The following EXOC6B variants were observed in gnomAD, a reference collection of about 807,000 sequenced individuals.
EXOC6B encodes the protein exocyst complex component 6B.
In EXOC6B, 54 loss-of-function variants were observed where a neutral mutation model predicts 113.5. The ratio of observed to expected loss-of-function variants is 0.48; its 90% CI spans 0.38 to 0.60. The LOEUF (loss-of-function observed/expected upper bound fraction) is 0.60, where lower values mean the gene tolerates loss of function less well. Among genes scored for constraint, EXOC6B ranks in the 20% least tolerant of loss-of-function variants. The pLI is 0.00. For synonymous variants in EXOC6B, 357 were observed against 339.0 expected, an observed-to-expected ratio of 1.05 and a Z score of -0.58; for missense variants, 797 against 977.5, an observed-to-expected ratio of 0.82 and a Z score of 2.46.
At chr2:72,330,617 T>C (rs1239299750) in intron 20 of EXOC6B, among the ~76,000 whole-genome samples, 3 of 152,088 alleles carry the variant, frequency 2.0e-5, no homozygotes, top group Non-Finnish European at 4.4e-5. Context: ...CAGGCACACA[T>C]AGGCCTCTCT....
intron 18 of EXOC6B, among the ~76,000 whole-genome samples, chr2:72,427,872 C>T (rs1416766363): frequency 6.6e-6 from 1 of 152,296 alleles, no homozygotes; most frequent in African/African-American, 2.4e-5. Flanking sequence ...AATTGGCACA[C>T]ACTTCCTCCC....
At chr2:72,767,167 C>T (rs1418045133) in intron 1 of EXOC6B, among the ~76,000 whole-genome samples, 1 of 152,060 alleles carries the variant, frequency 6.6e-6, no homozygotes, top group African/African-American at 2.4e-5. Flanking sequence ...CGGGGGCTCA[C>T]GCCTGTAATC....
intron 19 of EXOC6B, among the ~76,000 whole-genome samples, chr2:72,341,826 A>C (rs1689046861): frequency 6.6e-6 from 1 of 152,166 alleles, no homozygotes; most frequent in African/African-American, 2.4e-5. Context: ...ATTCTACAGG[A>C]TAGGTCATAT....
At chr2:72,796,961 A>G (rs1310898346) in intron 1 of EXOC6B, among the ~76,000 whole-genome samples, 1 of 152,262 alleles carries the variant, frequency 6.6e-6, no homozygotes, top group Non-Finnish European at 1.5e-5. Context: ...AAAAAGGCAG[A>G]GTTAATGCTA....
chr2:72,553,623 A>G (rs999165709), intron 8 of EXOC6B, among the ~76,000 whole-genome samples: 10 of 152,262 alleles, frequency 6.6e-5, no homozygotes, highest in African/African-American at 2.2e-4. Flanking sequence ...TGCCAGAGGT[A>G]CTACCAGAAA....
intron 6 of EXOC6B, among the ~76,000 whole-genome samples, chr2:72,665,920 A>G (rs1675357588): frequency 1.3e-5 from 2 of 152,316 alleles, no homozygotes; most frequent in South Asian, 4.1e-4. Flanking sequence ...AGATGACCCA[A>G]TTATATGCTC....
chr2:72,543,917 A>C (rs1465385363), intron 8 of EXOC6B, among the ~76,000 whole-genome samples: 1 of 152,200 alleles, frequency 6.6e-6, no homozygotes, highest in Non-Finnish European at 1.5e-5. Flanking sequence ...TTTCAGGGCA[A>C]ACTTTCCACA....
intron 6 of EXOC6B, among the ~76,000 whole-genome samples, chr2:72,580,244 C>T (rs1287195269): frequency 2.0e-5 from 3 of 147,374 alleles, no homozygotes; most frequent in Non-Finnish European, 3.0e-5. Flanking sequence ...TGGGTTCAAG[C>T]GATTCTCATG....
At chr2:72,446,096 A>G (rs1696558363) in intron 18 of EXOC6B, among the ~76,000 whole-genome samples, 1 of 152,240 alleles carries the variant, frequency 6.6e-6, no homozygotes, top group African/African-American at 2.4e-5. Flanking sequence ...AATTTCTCAA[A>G]AAGCCAAAAG....
rs1419665858 is a variant in EXOC6B at position 72,797,813 on chromosome 2, A to AATTC, written c.113+27984_113+27985insGAAT. ...ACAACAAAGCGAGACTTCGTCTCAA[A>AATTC]ATTAATTAATTAATTAATTAATTAA... is the stretch of plus-strand genomic sequence containing the variant. On this transcript the variant is annotated intron_variant, in intron 1 of 21. Transcript: ENST00000272427. Among the ~76,000 whole-genome samples, 81 of 141,892 alleles carry AATTC rather than the reference A, an allele frequency of 5.7e-4. 1 individual carries two copies. The highest frequency in any genetic ancestry group is 2.2e-3 in the African/African-American group (80 of 35,558). The allele number at this position is 141,892 out of a possible 152,430, so 93.1% of individuals were successfully genotyped here.
chr2:72,488,257 A>C (rs967212047), intron 16 of EXOC6B, among the ~76,000 whole-genome samples: 1 of 151,740 alleles, frequency 6.6e-6, no homozygotes, highest in Non-Finnish European at 1.5e-5. Context: ...GCTCCTTCCC[A>C]ATCTCCTTTC....
In EXOC6B at chr2:72,510,250, G is replaced by A. The variant is rs372792096; in HGVS notation, c.1167+2882C>T. On this transcript the variant is annotated intron_variant, in intron 11 of 21. Coordinates refer to ENST00000272427, the MANE Select transcript of EXOC6B (RefSeq NM_015189.3). The stretch of plus-strand genomic sequence containing the variant: ...TGGAATAAAAAGAATAGGGAAATAG[G>A]CATTCTAGTAGATGCTGCTCAGAGT... Among the ~76,000 whole-genome samples, 23 of 152,064 alleles carry A rather than the reference G, an allele frequency of 1.5e-4. 2 individuals are homozygous for A. The highest frequency in any genetic ancestry group is 4.6e-4 in the African/African-American group (19 of 41,504).
At chr2:72,595,478 T>C (rs1227657142) in intron 6 of EXOC6B, among the ~76,000 whole-genome samples, 1 of 150,984 alleles carries the variant, frequency 6.6e-6, no homozygotes, top group African/African-American at 2.4e-5. Flanking sequence ...TATCAAGAAG[T>C]TAAGAAAATA....
At chr2:72,697,774 C>T (rs193000696) in intron 6 of EXOC6B, among the ~76,000 whole-genome samples, 8 of 152,252 alleles carry the variant, frequency 5.3e-5, no homozygotes, top group Non-Finnish European at 1.0e-4. Context: ...TAATAGAATG[C>T]GTCTGCACTT....
chr2:72,602,471 GACCA>G (rs1005962084), intron 6 of EXOC6B, among the ~76,000 whole-genome samples: 2 of 152,108 alleles, frequency 1.3e-5, no homozygotes, highest in Admixed American at 6.5e-5. Context: ...CAATAGAATA[GACCA>G]ACCAAGTTGA....
chr2:72,203,045 T>C (rs1050656619), intron 20 of EXOC6B, among the ~76,000 whole-genome samples: 1 of 152,212 alleles, frequency 6.6e-6, no homozygotes, highest in East Asian at 1.9e-4. Context: ...ATGAAAATAA[T>C]ATTTGCCTTG....
intron 1 of EXOC6B, among the ~76,000 whole-genome samples, chr2:72,743,936 T>C (rs943030342): frequency 5.9e-5 from 9 of 152,170 alleles, no homozygotes; most frequent in African/African-American, 1.7e-4. Flanking sequence ...AATAATGTTT[T>C]AGTTAACGAT....
chr2:72,548,382 G>GT (rs1179870682), intron 8 of EXOC6B, among the ~76,000 whole-genome samples: 1 of 152,160 alleles, frequency 6.6e-6, no homozygotes. Context: ...TAAAAGGGGG[G>GT]TGAGTGGAAG....
At chr2:72,195,015 C>T (rs987286961) in intron 20 of EXOC6B, among the ~76,000 whole-genome samples, 11 of 152,184 alleles carry the variant, frequency 7.2e-5, no homozygotes, top group Non-Finnish European at 1.5e-4. Flanking sequence ...TCATTAAGTT[C>T]TTTATCAGTG....
Sources: allele counts gnomAD v4.1 joint callset (sites outside exome capture counted in the v4.1 genomes callset), GRCh38; gene constraint gnomAD v4.1.1; transcripts MANE v1.5; gene names NCBI Gene and HGNC (gene_info 2026-07-23, HGNC 2026-07-21).